Variants in BABAM2 observed in about 807,000 individuals in gnomAD.
BABAM2 encodes the protein BRISC and BRCA1-A complex member 2.
In BABAM2, 31 loss-of-function variants were observed where a neutral mutation model predicts 54.7. That is an observed-to-expected ratio of 0.57 (90% CI 0.43 to 0.77). The LOEUF (loss-of-function observed/expected upper bound fraction) is 0.77, where lower values mean the gene tolerates loss of function less well. Ranked by LOEUF, BABAM2 falls within the 30% of genes least tolerant of loss-of-function variation. The pLI is 0.00. For synonymous variants in BABAM2, 167 were observed against 162.9 expected, an observed-to-expected ratio of 1.03 and a Z score of -0.19; for missense variants, 364 against 455.8, an observed-to-expected ratio of 0.80 and a Z score of 1.83.
intron 7 of BABAM2, among the ~76,000 whole-genome samples, chr2:28,166,150 A>G (rs1471222668): frequency 1.3e-5 from 2 of 152,346 alleles, no homozygotes; most frequent in Non-Finnish European, 2.9e-5. Flanking sequence ...TCCAGCCTCT[A>G]CAGTTGTGAG....
At chr2:28,145,950 A>G (rs1671458890) in intron 7 of BABAM2, among the ~76,000 whole-genome samples, 1 of 152,214 alleles carries the variant, frequency 6.6e-6, no homozygotes, top group Admixed American at 6.5e-5. Context: ...CAGTATATCA[A>G]TATACCACAT....
chr2:28,244,759 G>A, intron 9 of BABAM2, 21 bp from the exon 10 acceptor site: 1 of 1,600,340 alleles, frequency 6.2e-7, no homozygotes. Context: ...TTGTTTGTGT[G>A]TGTATGTTTT....
chr2:27,997,368 C>G (rs1573357432), intron 4 of BABAM2, among the ~76,000 whole-genome samples: 1 of 152,116 alleles, frequency 6.6e-6, no homozygotes, highest in East Asian at 1.9e-4. Context: ...GAACTAAAAA[C>G]TACTGTATTT....
intron 7 of BABAM2, among the ~76,000 whole-genome samples, chr2:28,162,120 T>C (rs143696118): frequency 1.3e-5 from 2 of 152,344 alleles, no homozygotes; most frequent in African/African-American, 4.8e-5. Context: ...GGCAAGGAGT[T>C]GTAATTGTTT....
At chr2:28,228,888 C>T (rs551100013) in intron 7 of BABAM2, among the ~76,000 whole-genome samples, 2 of 152,152 alleles carry the variant, frequency 1.3e-5, no homozygotes, top group Non-Finnish European at 2.9e-5. Flanking sequence ...ACTTACAAAA[C>T]ACATTTCTGA....
intron 4 of BABAM2, chr2:28,015,722 A>G (rs1220089859): frequency 1.9e-6 from 2 of 1,030,118 alleles, no homozygotes; most frequent in Non-Finnish European, 2.5e-6. Flanking sequence ...CTTTCTTTAT[A>G]AGGGAATCCT....
intron 3 of BABAM2, among the ~76,000 whole-genome samples, chr2:27,980,514 C>A (rs1671927208): frequency 6.6e-6 from 1 of 152,088 alleles, no homozygotes; most frequent in South Asian, 2.1e-4. Flanking sequence ...AGCAAGAGAA[C>A]AATGCCACAG....
chr2:28,036,548 G>A (rs1482450652), intron 5 of BABAM2, among the ~76,000 whole-genome samples: 1 of 152,166 alleles, frequency 6.6e-6, no homozygotes, highest in African/African-American at 2.4e-5. Context: ...TCTGTAACAT[G>A]TAAATCTGGG....
intron 7 of BABAM2, among the ~76,000 whole-genome samples, chr2:28,137,003 ATATCT>A (rs1271895112): frequency 6.6e-6 from 1 of 152,246 alleles, no homozygotes. Context: ...ACCAAATTTG[ATATCT>A]TAACAGAATG....
intron 4 of BABAM2, among the ~76,000 whole-genome samples, chr2:28,007,262 C>T (rs1231609993): frequency 6.6e-6 from 1 of 151,994 alleles, no homozygotes; most frequent in Non-Finnish European, 1.5e-5. Context: ...ATATGTGTGG[C>T]TGCATACATA....
At chr2:27,916,968 A>C (rs1326138379) in intron 2 of BABAM2, among the ~76,000 whole-genome samples, 3 of 150,562 alleles carry the variant, frequency 2.0e-5, no homozygotes, top group African/African-American at 7.3e-5. Context: ...AGTTCTTGAG[A>C]ATAGAGAATC....
chr2:28,177,539 AC>A (rs1675138482), intron 7 of BABAM2, among the ~76,000 whole-genome samples: 1 of 151,866 alleles, frequency 6.6e-6, no homozygotes, highest in South Asian at 2.1e-4. Flanking sequence ...ACAGAAAATT[AC>A]CAAACTGCAA....
intron 3 of BABAM2, among the ~76,000 whole-genome samples, chr2:27,952,785 A>T (rs1241928737): frequency 6.6e-6 from 1 of 152,186 alleles, no homozygotes; most frequent in African/African-American, 2.4e-5. Context: ...GGTCTGCTTC[A>T]GGGGAAACAA....
intron 10 of BABAM2, among the ~76,000 whole-genome samples, chr2:28,263,715 C>T (rs1429321421): frequency 2.0e-5 from 3 of 152,210 alleles, no homozygotes; most frequent in Non-Finnish European, 2.9e-5. Context: ...TGTCTATGGT[C>T]AGAATTCCAA....
chr2:27,955,998 G>C (rs13394468), intron 3 of BABAM2, among the ~76,000 whole-genome samples: 1 of 150,376 alleles, frequency 6.6e-6, no homozygotes, highest in Non-Finnish European at 1.5e-5. Flanking sequence ...TTTTCCTGTA[G>C]AATGGTGATT....
At chr2:28,242,163 A>G (rs959347003) in intron 9 of BABAM2, among the ~76,000 whole-genome samples, 6 of 152,060 alleles carry the variant, frequency 3.9e-5, no homozygotes, top group African/African-American at 1.4e-4. Context: ...CAGGAACCCC[A>G]TTTCCCCAGC....
chr2:27,957,375 C>G, intron 3 of BABAM2, among the ~76,000 whole-genome samples: 1 of 152,168 alleles, frequency 6.6e-6, no homozygotes, highest in East Asian at 1.9e-4. Flanking sequence ...CATAATCTTT[C>G]CAGCATTCTC....
intron 10 of BABAM2, among the ~76,000 whole-genome samples, chr2:28,257,205 G>A (rs1385274420): frequency 6.6e-6 from 1 of 152,012 alleles, no homozygotes; most frequent in Non-Finnish European, 1.5e-5. Context: ...CTTTTTTGAG[G>A]TATAATTTAC....
Position 27,995,317 on chromosome 2 carries a change from A to C in BABAM2, c.300+7230A>C, listed in dbSNP as rs1673063753. Among the ~76,000 whole-genome samples the C allele has an allele frequency of 6.6e-6, 1 of 152,130 alleles. No individual in the cohort carries two copies. Among genetic ancestry groups the C allele is most frequent in the Non-Finnish European group, 1.5e-5 (1 of 68,018 alleles). On this transcript the variant is annotated intron_variant, in intron 4 of 11. Coordinates refer to ENST00000379624, the MANE Select transcript of BABAM2 (RefSeq NM_199191.3). This position sits in a 1 kb window ranked among gnomAD's most constrained non-coding sequence, Gnocchi z 4.1. ...GCACCGTGGGAGCAAGGAGGAAAGT[A>C]CACAGAACCAGGATAAGAAGCTCCT...
Sources: gnomAD v4.1 joint callset for allele counts (sites outside exome capture counted in the v4.1 genomes callset) on GRCh38, gnomAD v4.1.1 for gene constraint, Gnocchi (gnomAD v3.1) non-coding constraint, MANE v1.5 for transcripts, NCBI Gene and HGNC (gene_info 2026-07-23, HGNC 2026-07-21) for gene names.